The following HS2ST1 variants were observed in gnomAD, a reference collection of about 807,000 sequenced individuals.
The protein encoded by HS2ST1 is heparan sulfate 2-O-sulfotransferase 1.
Under a neutral mutation model 42.9 loss-of-function variants are expected in HS2ST1, and 18 were observed. The observed-to-expected ratio is 0.42, with a 90% confidence interval of 0.29 to 0.62. The LOEUF (loss-of-function observed/expected upper bound fraction) is 0.62, where lower values mean the gene tolerates loss of function less well. HS2ST1 is among the 20% of genes least tolerant of loss of function. HS2ST1 has a pLI of 0.21. For synonymous variants in HS2ST1, 146 were observed against 152.9 expected (o/e 0.95, Z 0.33); for missense variants, 334 against 433.8 (o/e 0.77, Z 2.04).
intron 1 of HS2ST1, among the ~76,000 whole-genome samples, chr1:86,944,031 A>AG (rs1433772549): frequency 6.6e-6 from 1 of 152,060 alleles, no homozygotes; most frequent in African/African-American, 2.4e-5. Flanking sequence ...TCTCAAAAAA[A>AG]AAAAATTCTT....
intron 2 of HS2ST1, among the ~76,000 whole-genome samples, chr1:87,079,092 G>C (rs1570534053): frequency 6.6e-6 from 1 of 151,462 alleles, no homozygotes; most frequent in Non-Finnish European, 1.5e-5. Context: ...TTGAAGAGGA[G>C]ATAAAGATAA....
intron 2 of HS2ST1, among the ~76,000 whole-genome samples, chr1:87,078,136 G>C (rs1651593784): frequency 6.6e-6 from 1 of 152,166 alleles, no homozygotes; most frequent in Non-Finnish European, 1.5e-5. Flanking sequence ...TCAACAGATA[G>C]TAATTACAGA....
intron 1 of HS2ST1, among the ~76,000 whole-genome samples, chr1:87,038,610 G>A (rs1450727002): frequency 2.0e-5 from 3 of 152,088 alleles, no homozygotes; most frequent in Non-Finnish European, 4.4e-5. Flanking sequence ...AAAGGAACAA[G>A]GAAGGTATTT....
chr1:87,031,784 A>T (rs1214156943), intron 1 of HS2ST1, among the ~76,000 whole-genome samples: 7 of 152,238 alleles, frequency 4.6e-5, no homozygotes, highest in Non-Finnish European at 5.9e-5. Context: ...ACTACTGAAC[A>T]TTATAATAAA....
intron 1 of HS2ST1, among the ~76,000 whole-genome samples, chr1:86,952,624 A>C (rs760415671): frequency 1.1e-4 from 16 of 152,264 alleles, no homozygotes; most frequent in Non-Finnish European, 1.5e-4. Context: ...AAACAACTTT[A>C]ATCTCATTGT....
intron 1 of HS2ST1, among the ~76,000 whole-genome samples, chr1:86,924,041 G>C (rs1285258916): frequency 6.6e-6 from 1 of 152,216 alleles, no homozygotes. Context: ...TCAAAAGCAA[G>C]TTAGTTACTT....
chr1:87,101,788 A>G (rs1470310828), intron 5 of HS2ST1, among the ~76,000 whole-genome samples: 1 of 152,200 alleles, frequency 6.6e-6, no homozygotes, highest in Non-Finnish European at 1.5e-5. Flanking sequence ...CTTTATAGCA[A>G]CACCCAACTC....
At chr1:86,983,680 C>T (rs1648666078) in intron 1 of HS2ST1, among the ~76,000 whole-genome samples, 2 of 151,802 alleles carry the variant, frequency 1.3e-5, no homozygotes, top group African/African-American at 4.8e-5. Context: ...CGGTATATTG[C>T]CTAGTAATAG....
At chr1:87,075,846 G>C (rs1040836261) in intron 2 of HS2ST1, among the ~76,000 whole-genome samples, 1 of 151,936 alleles carries the variant, frequency 6.6e-6, no homozygotes. Flanking sequence ...TATATATTCT[G>C]CTATCCTTAG....
chr1:87,008,679 C>A (rs1198523871), intron 1 of HS2ST1, among the ~76,000 whole-genome samples: 1 of 152,122 alleles, frequency 6.6e-6, no homozygotes, highest in Non-Finnish European at 1.5e-5. Flanking sequence ...ATTGAAAAGA[C>A]TTGGAGTGGG....
intron 1 of HS2ST1, among the ~76,000 whole-genome samples, chr1:87,023,908 A>G (rs903729077): frequency 6.6e-6 from 1 of 152,172 alleles, no homozygotes; most frequent in Non-Finnish European, 1.5e-5. Flanking sequence ...ACATATCCAT[A>G]GTAGAAAACA....
intron 4 of HS2ST1, among the ~76,000 whole-genome samples, chr1:87,092,976 A>AT (rs1211411409): frequency 6.6e-6 from 1 of 151,844 alleles, no homozygotes; most frequent in Non-Finnish European, 1.5e-5. Flanking sequence ...ATTTTTGTGT[A>AT]TTTTTTGGTT....
chr1:87,019,785 AT>A (rs2100586387), intron 1 of HS2ST1, among the ~76,000 whole-genome samples: 1 of 152,366 alleles, frequency 6.6e-6, no homozygotes, highest in African/African-American at 2.4e-5. Context: ...GTACATTCTA[AT>A]GAGAAAACAT....
At chr1:87,009,951 C>G (rs1238529783) in intron 1 of HS2ST1, among the ~76,000 whole-genome samples, 1 of 151,884 alleles carries the variant, frequency 6.6e-6, no homozygotes, top group Non-Finnish European at 1.5e-5. Flanking sequence ...AGGAGAATGG[C>G]GTGAACCAGG....
At chr1:87,014,788 C>A (rs530536295) in intron 1 of HS2ST1, among the ~76,000 whole-genome samples, 1 of 152,182 alleles carries the variant, frequency 6.6e-6, no homozygotes, top group African/African-American at 2.4e-5. Context: ...ACCTTTGACT[C>A]GTGTCACTCT....
intron 1 of HS2ST1, chr1:87,046,171 G>A: frequency 1.2e-6 from 1 of 813,496 alleles, no homozygotes; most frequent in Non-Finnish European, 2.1e-6. Context: ...AATAGAGTGT[G>A]CCTGGCAGCT....
intron 5 of HS2ST1, among the ~76,000 whole-genome samples, chr1:87,101,172 TTTTTTTTTTTTTTG>T: frequency 7.9e-6 from 1 of 127,206 alleles, no homozygotes; most frequent in African/African-American, 2.9e-5. Context: ...TTTTTTTTTT[TTTTTTTTTTTTTTG>T]AGGCAGTCTC....
chr1:86,915,259 C>T (rs1660120284), intron 1 of HS2ST1, 99 bp downstream of exon 1: 2 of 1,382,612 alleles, frequency 1.4e-6, no homozygotes, highest in Non-Finnish European at 1.9e-6. Flanking sequence ...GGGTCTGGCT[C>T]GGGGGCTGAA....
chr1:87,000,286 G>T (rs1649245101), intron 1 of HS2ST1, among the ~76,000 whole-genome samples: 1 of 152,076 alleles, frequency 6.6e-6, no homozygotes, highest in Non-Finnish European at 1.5e-5. Flanking sequence ...TAAACTAATG[G>T]AATACTAACT....
Sources: allele counts gnomAD v4.1 joint callset (sites outside exome capture counted in the v4.1 genomes callset), GRCh38; gene constraint gnomAD v4.1.1; transcripts MANE v1.5; gene names NCBI Gene and HGNC (gene_info 2026-07-23, HGNC 2026-07-21).